ANO5: variants seen among roughly 807,000 people sequenced by gnomAD.
ANO5 encodes anoctamin 5.
ANO5 carries 109 observed loss-of-function variants against 121.0 expected under a neutral mutation model. The ratio of observed to expected loss-of-function variants is 0.90; its 90% confidence interval spans 0.77 to 1.06. The LOEUF (loss-of-function observed/expected upper bound fraction) is 1.06, where lower values mean the gene tolerates loss of function less well. ANO5 is among the 50% of genes least tolerant of loss of function. The pLI is 0.00. For synonymous variants in ANO5, 406 were observed against 359.9 expected, an observed-to-expected ratio of 1.13 and a Z score of -1.45; for missense variants, 1,064 against 1,078.5, an observed-to-expected ratio of 0.99 and a Z score of 0.19.
In ANO5 at chr11:22,282,937, G is replaced by T. The variant is rs1200648598; in HGVS notation, c.*3172G>T. On this transcript the variant is annotated 3_prime_UTR_variant, in exon 22 of 22. Coordinates refer to ENST00000324559, the MANE Select transcript of ANO5 (RefSeq NM_213599.3). ...AAATAGCATTGCAAAAAGTACCATT[G>T]GCCAGCCTTACAAGTCAGCCACAAT... The T allele has an allele frequency of 1.3e-5, 2 of 152,082 alleles. No individual in the cohort carries two copies. The highest frequency in any genetic ancestry group is 2.9e-5 in the Non-Finnish European group (2 of 67,998). The allele number at this position is 152,082 out of a possible 1,614,324, so 9.4% of individuals were successfully genotyped here.
chr11:22,255,620 T>C (rs991921845), intron 13 of ANO5, 98 bp downstream of exon 13: 108 of 1,381,506 alleles, frequency 7.8e-5, no homozygotes, highest in Non-Finnish European at 1.0e-4. Flanking sequence ...CTTTAAAATA[T>C]TCTGCAACGT....
intron 8 of ANO5, among the ~76,000 whole-genome samples, chr11:22,237,083 A>T (rs539650188): frequency 1.1e-3 from 164 of 152,270 alleles, no homozygotes; most frequent in Middle Eastern, 6.8e-3. Flanking sequence ...CCTGGGGCTG[A>T]ATGTGTACAT....
chr11:22,257,869 T>C, intron 14 of ANO5, 115 bp downstream of exon 14: 2 of 844,416 alleles, frequency 2.4e-6, no homozygotes, highest in East Asian at 2.8e-5. Flanking sequence ...CCCTCCCTGG[T>C]CTTTTTATCT....
chr11:22,229,562 A>G (rs1357852797), intron 7 of ANO5, among the ~76,000 whole-genome samples: 1 of 152,014 alleles, frequency 6.6e-6, no homozygotes, highest in African/African-American at 2.4e-5. Flanking sequence ...AAATAATGAT[A>G]ATACTGACAT....
At chr11:22,194,096 A>AGCT (rs568680135) in intron 1 of ANO5, among the ~76,000 whole-genome samples, 775 of 152,160 alleles carry the variant, frequency 5.1e-3, no homozygotes, top group Non-Finnish European at 7.6e-3. Context: ...CACTTGGAAA[A>AGCT]GCTGCTGCTG....
chr11:22,262,810 T>C (rs1226860588), intron 16 of ANO5, 136 bp from the exon 17 acceptor site: 7 of 725,656 alleles, frequency 9.6e-6, no homozygotes, highest in East Asian at 2.7e-5. Flanking sequence ...TTTGGAACTA[T>C]TGGGCTAAAT....
At chr11:22,220,035 A>C (rs973399025) in intron 4 of ANO5, among the ~76,000 whole-genome samples, 3 of 151,798 alleles carry the variant, frequency 2.0e-5, no homozygotes, top group Non-Finnish European at 2.9e-5. Flanking sequence ...CAGATCAAAC[A>C]TGAGACTTAT....
At chr11:22,273,627 T>G (rs1371685949) in intron 19 of ANO5, among the ~76,000 whole-genome samples, 1 of 151,968 alleles carries the variant, frequency 6.6e-6, no homozygotes, top group African/African-American at 2.4e-5. Flanking sequence ...AGTATATAAC[T>G]TAAGACACTG....
chr11:22,221,107 A>C lies in ANO5; in HGVS notation c.191A>C (p.Asn64Thr). The change falls in exon 5 of 22, where the codon AAT (asparagine) becomes ACT (threonine). Residue 64 changes from asparagine to threonine, a missense_variant. Coordinates refer to ENST00000324559, the MANE Select transcript of ANO5 (RefSeq NM_213599.3). The part of the protein sequence containing the change: ...FLRRRLMFQK[N>T]QQSKDSIFFR... ...TTATGTCTCCTGCAGTTTCAAAAAA[A>C]TCAGCAAAGCAAAGATTCTATCTTC... 2 of 1,611,328 alleles carry C rather than the reference A, an allele frequency of 1.2e-6. No homozygotes were observed. The highest frequency in any genetic ancestry group is 2.2e-5 in the South Asian group (2 of 91,002).
rs760350070 is a variant in ANO5, at chr11:22,226,064, T to C, written c.363+12T>C. The C allele has an allele frequency of 2.5e-6, 4 of 1,581,850 alleles. No individual in the cohort carries two copies. In the South Asian group the frequency reaches 4.4e-5, roughly 18 times the overall value. ...TAGAAGACAAAAGGGTAAATGTAGT[T>C]GATAATTTATACAAGCCTCTTTAAT... On this transcript the variant is annotated intron_variant, in intron 6 of 21. Transcript: ENST00000324559.
intron 17 of ANO5, among the ~76,000 whole-genome samples, chr11:22,263,902 C>T (rs540394397): frequency 6.6e-6 from 1 of 152,138 alleles, no homozygotes; most frequent in Admixed American, 6.5e-5. Context: ...CCACTTAGGG[C>T]TCTATTTCAA....
At chr11:22,214,943 A>G (rs930508928) in intron 3 of ANO5, among the ~76,000 whole-genome samples, 23 of 152,036 alleles carry the variant, frequency 1.5e-4, no homozygotes, top group African/African-American at 5.1e-4. Flanking sequence ...TATTTGAAAC[A>G]AAATAGTGAA....
intron 5 of ANO5, among the ~76,000 whole-genome samples, chr11:22,223,714 G>A (rs1233099966): frequency 6.6e-6 from 1 of 151,660 alleles, no homozygotes; most frequent in Non-Finnish European, 1.5e-5. Flanking sequence ...ACCTATTTTG[G>A]GATATTGCTC....
rs767933338 is a variant in ANO5 at position 22,279,653 on chromosome 11, A to G, written c.2630A>G (p.His877Arg). 1.2e-6 allele frequency: 2 copies of G among 1,612,860 alleles called. No homozygotes were observed. The highest frequency in any genetic ancestry group is 2.2e-5 in the East Asian group (1 of 44,848). ...AAGTTAATGACTATCAAGATTCTCC[A>G]TGATTTTGAGCTCAACAAATTAAAA... ...REKLMTIKIL[H>R]DFELNKLKEN... Residue 877 changes from histidine (H) to arginine (R), a missense_variant, in exon 22 of 22, where the codon CAT (histidine) becomes CGT (arginine). Transcript: ENST00000324559.
In ANO5 at chr11:22,193,130, C is replaced by T; in HGVS notation, c.-363C>T. The T allele has an allele frequency of 9.1e-7, 1 of 1,099,154 alleles. No homozygotes were observed. Among genetic ancestry groups the T allele is most frequent in the Non-Finnish European group, 1.1e-6 (1 of 897,388 alleles). 68.1% of individuals were successfully genotyped at this position (1,099,154 alleles called of 1,614,324 possible). Reference sequence around the variant, plus strand: ...CCGGGAGGAGTGGCGGCTGCGGGATCAGCTGCCGAGCAGGCACAGGGACAG... The same window carrying T: ...CCGGGAGGAGTGGCGGCTGCGGGATTAGCTGCCGAGCAGGCACAGGGACAG... On this transcript the variant is annotated 5_prime_UTR_variant, in exon 1 of 22. Coordinates refer to ENST00000324559, the MANE Select transcript of ANO5 (RefSeq NM_213599.3).
chr11:22,209,427 A>G (rs1242374319), intron 2 of ANO5, among the ~76,000 whole-genome samples: 1 of 151,926 alleles, frequency 6.6e-6, no homozygotes, highest in Non-Finnish European at 1.5e-5. Flanking sequence ...CAAGTTTACA[A>G]ATGTAATCAG....
At chr11:22,219,958 GT>G (rs1204459210) in intron 4 of ANO5, among the ~76,000 whole-genome samples, 2 of 143,846 alleles carry the variant, frequency 1.4e-5, no homozygotes, top group Admixed American at 1.4e-4. Context: ...TTGGGAGCTA[GT>G]TTTTTTTCTG....
intron 1 of ANO5, among the ~76,000 whole-genome samples, chr11:22,193,807 C>T (rs558322710): frequency 3.7e-4 from 56 of 152,312 alleles, no homozygotes; most frequent in African/African-American, 1.3e-3. Context: ...GAACACCCTC[C>T]TTGCTCCCCT....
intron 16 of ANO5, 41 bp downstream of exon 16, chr11:22,262,339 C>T (rs1309974339): frequency 6.3e-7 from 1 of 1,597,040 alleles, no homozygotes; most frequent in Non-Finnish European, 8.6e-7. Context: ...AGCTTCAATA[C>T]CTCAGTATTA....
Sources: allele counts gnomAD v4.1 joint callset (sites outside exome capture counted in the v4.1 genomes callset), GRCh38; gene constraint gnomAD v4.1.1; transcripts MANE v1.5; gene names NCBI Gene and HGNC (gene_info 2026-07-23, HGNC 2026-07-21).